MYO5C: variants seen among roughly 807,000 people sequenced by gnomAD.
MYO5C encodes the protein unconventional myosin-Vc.
A neutral mutation model predicts 235.7 loss-of-function variants in MYO5C; 194 were observed. The observed-to-expected ratio is 0.82, with a 90% CI of 0.73 to 0.93. The LOEUF (loss-of-function observed/expected upper bound fraction) is 0.93, where lower values mean the gene tolerates loss of function less well. Among genes scored for constraint, MYO5C ranks in the 40% least tolerant of loss-of-function variants. The pLI is 0.00. For missense variants in MYO5C, 2,038 were observed against 2,127.2 expected (o/e 0.96, Z 0.82); for synonymous variants, 707 against 754.8 (o/e 0.94, Z 1.04).
chr15:52,219,583 T>C (rs557414439), intron 31 of MYO5C, among the ~76,000 whole-genome samples, 176 bp downstream of exon 31: 25 of 152,362 alleles, frequency 1.6e-4, no homozygotes, highest in South Asian at 4.1e-4. Context: ...ATGCTGCTGC[T>C]GCTGAGTGTG....
intron 4 of MYO5C, chr15:52,277,841 T>C (rs1367385972): frequency 2.2e-6 from 1 of 455,380 alleles, no homozygotes; most frequent in South Asian, 1.5e-5. Flanking sequence ...GCACGTGTTC[T>C]ACCTCATGTA....
At chr15:52,245,769 A>G (rs557057605) in intron 17 of MYO5C, among the ~76,000 whole-genome samples, 187 bp downstream of exon 17, 6 of 152,284 alleles carry the variant, frequency 3.9e-5, no homozygotes, top group African/African-American at 1.4e-4. Flanking sequence ...GGTGGTGTTG[A>G]CCTCCGACCC....
At position 52,229,204 on chromosome 15, in the gene MYO5C, G is replaced by A. The variant is rs772122535; in HGVS notation, c.3136C>T (p.Leu1046=). Residue 1046 remains leucine, a synonymous_variant, in exon 25 of 41, where the codon CTG becomes TTG. Transcript: ENST00000261839. Reference sequence around the variant, plus strand: ...GAAGTGACGTGCTCCCCCTCCACCAGGTGTTGGAGTTGCATCTTCTCATCC... The same window carrying A: ...GAAGTGACGTGCTCCCCCTCCACCAAGTGTTGGAGTTGCATCTTCTCATCC... The part of the protein sequence containing the change: ...LKDEKMQLQH[L]VEGEHVTSDG... 6.2e-7 allele frequency: 1 copy of A among 1,614,062 alleles called. No homozygotes were observed. Among genetic ancestry groups the A allele is most frequent in the African/African-American group, 1.3e-5 (1 of 74,936 alleles).
Position 52,232,218 on chromosome 15 carries a change from A to AAG in MYO5C, c.3026+403_3026+404insCT, listed in dbSNP as rs2035970973. ...AGGAAGGAAGGAAGGAAAAGAAAGA[A>AAG]AATGAAAGAAAGAAGAAAGAAAGAA... On this transcript the variant is annotated intron_variant, in intron 24 of 40. Coordinates refer to ENST00000261839, the MANE Select transcript of MYO5C (RefSeq NM_018728.4). 1.0e-4 allele frequency among the ~76,000 whole-genome samples: 6 copies of AAG among 59,326 alleles called. 1 individual carries two copies. The highest frequency in any genetic ancestry group is 5.5e-4 in the Admixed American group (3 of 5,446). 38.9% of individuals were successfully genotyped at this position (59,326 alleles called of 152,430 possible). A position where few individuals can be genotyped will look rare whatever the true frequency, so the allele number is the denominator to read the frequency against.
intron 38 of MYO5C, among the ~76,000 whole-genome samples, chr15:52,198,145 C>A (rs1456133749): frequency 6.6e-6 from 1 of 151,872 alleles, no homozygotes; most frequent in Non-Finnish European, 1.5e-5. Context: ...CCAGCCTGGC[C>A]AACATGGCAA....
chr15:52,198,962 C>T (rs1455415377), intron 38 of MYO5C, among the ~76,000 whole-genome samples: 1 of 151,952 alleles, frequency 6.6e-6, no homozygotes, highest in Non-Finnish European at 1.5e-5. Context: ...GGCACGATCT[C>T]GGTTCACTGC....
chr15:52,259,044 A>T (rs772295427), intron 10 of MYO5C, among the ~76,000 whole-genome samples: 24 of 152,104 alleles, frequency 1.6e-4, no homozygotes, highest in Non-Finnish European at 3.4e-4. Flanking sequence ...TCTCAGTCCC[A>T]CGGTGGCAGG....
chr15:52,256,456 G>A (rs1464765028), intron 11 of MYO5C, among the ~76,000 whole-genome samples, 183 bp downstream of exon 11: 1 of 152,054 alleles, frequency 6.6e-6, no homozygotes, highest in Non-Finnish European at 1.5e-5. Flanking sequence ...AAATAGATGA[G>A]AGGGTGTGAT....
intron 8 of MYO5C, among the ~76,000 whole-genome samples, chr15:52,267,850 T>C (rs972389488): frequency 2.0e-5 from 3 of 151,964 alleles, no homozygotes; most frequent in African/African-American, 7.3e-5. Context: ...ATCAGGGAGA[T>C]GAGGGTGGGC....
chr15:52,232,341 G>GA (rs1310484980), intron 24 of MYO5C, among the ~76,000 whole-genome samples: 2 of 151,362 alleles, frequency 1.3e-5, no homozygotes, highest in Non-Finnish European at 2.9e-5. Context: ...GAGAAAGAAA[G>GA]AAGAGAAAGA....
At position 52,198,587 on chromosome 15, in the gene MYO5C, T is replaced by TG. The variant is rs1389459247; in HGVS notation, c.4821-2105_4821-2104insC. ...TTGTTGTTGTTGCTTTTTGTTTGTT[T>TG]TTTTGTTTGTTTGAGACAGAGTCTC... On this transcript the variant is annotated intron_variant, in intron 38 of 40. Transcript: ENST00000261839. 7.2e-4 allele frequency among the ~76,000 whole-genome samples: 109 copies of TG among 152,214 alleles called. 1 individual carries two copies. The highest frequency in any genetic ancestry group is 1.3e-3 in the Non-Finnish European group (89 of 67,986).
In MYO5C at chr15:52,230,162, G is replaced by C. The variant is rs185534203; in HGVS notation, c.3027-849C>G. Among the ~76,000 whole-genome samples the C allele has an allele frequency of 1.5e-3, 231 of 152,316 alleles. 1 individual carries two copies. Among genetic ancestry groups the C allele is most frequent in the African/African-American group, 5.2e-3 (216 of 41,568 alleles). On this transcript the variant is annotated intron_variant, in intron 24 of 40. Coordinates refer to ENST00000261839, the MANE Select transcript of MYO5C (RefSeq NM_018728.4). ...GTAAATCCAACTGCTCTAGAAGGTT[G>C]CTCAATTAAAAATTTGATGATTAAC...
At position 52,237,447 on chromosome 15, in the gene MYO5C, A is replaced by G. The variant is rs58097559; in HGVS notation, c.2868+35T>C. On this transcript the variant is annotated intron_variant, in intron 22 of 40. Transcript: ENST00000261839. Reference sequence around the variant, plus strand: ...CTCATCTTTTTCACAGAGAGTCCGCATATTTCCATCCCGTCTCACACGCCC... The same window carrying G: ...CTCATCTTTTTCACAGAGAGTCCGCGTATTTCCATCCCGTCTCACACGCCC... 10,602 of 1,602,322 alleles carry G rather than the reference A, an allele frequency of 6.6e-3. 532 individuals are homozygous for G. In the African/African-American group the frequency reaches 0.12, roughly 17 times the overall value.
chr15:52,284,550 CA>C (rs1285918926), intron 1 of MYO5C, among the ~76,000 whole-genome samples: 1 of 152,144 alleles, frequency 6.6e-6, no homozygotes, highest in African/African-American at 2.4e-5. Context: ...AAGCACTTTT[CA>C]AACCTCAGAC....
rs867442970 is a variant in MYO5C, at chr15:52,237,595, G to A, written c.2755C>T (p.Arg919Ter). 4.3e-6 allele frequency: 7 copies of A among 1,613,848 alleles called. No individual in the cohort carries two copies. The highest frequency in any genetic ancestry group is 2.2e-5 in the South Asian group (2 of 91,076). Residue 919 changes from arginine (R) to a stop codon, truncating the protein, a stop_gained, in exon 22 of 41, where the codon CGA becomes TGA. Coordinates refer to ENST00000261839, the MANE Select transcript of MYO5C (RefSeq NM_018728.4). LOFTEE classifies it high-confidence loss of function. ...VEKLTSLAAL[R>*]AGDVEKIQKL... ...TGAATCTTTTCCACATCCCCAGCTC[G>A]AAGAGCAGCCAGGCTAGTCAGCTTC...
intron 17 of MYO5C, among the ~76,000 whole-genome samples, chr15:52,245,669 T>C (rs980667096): frequency 5.9e-5 from 9 of 152,192 alleles, no homozygotes; most frequent in Non-Finnish European, 1.3e-4. Flanking sequence ...CCAGCAATTG[T>C]GCTCTTTCTC....
At chr15:52,230,856 C>T (rs2035935875) in intron 24 of MYO5C, among the ~76,000 whole-genome samples, 1 of 133,246 alleles carries the variant, frequency 7.5e-6, no homozygotes, top group East Asian at 2.4e-4. Flanking sequence ...GAGACAGGGT[C>T]TCACTCTGTC....
At chr15:52,283,750 A>G (rs1337801399) in intron 1 of MYO5C, among the ~76,000 whole-genome samples, 1 of 151,854 alleles carries the variant, frequency 6.6e-6, no homozygotes, top group East Asian at 1.9e-4. Flanking sequence ...ATCTTGGCTC[A>G]CTGCAACCTC....
intron 17 of MYO5C, 98 bp downstream of exon 17, chr15:52,245,858 A>G: frequency 8.6e-7 from 1 of 1,165,500 alleles, no homozygotes; most frequent in Admixed American, 1.9e-5. Flanking sequence ...ACAGAAGCCA[A>G]AAGTATGTGA....
Sources: allele counts gnomAD v4.1 joint callset (sites outside exome capture counted in the v4.1 genomes callset), GRCh38; gene constraint gnomAD v4.1.1; transcripts MANE v1.5; gene names NCBI Gene and HGNC (gene_info 2026-07-23, HGNC 2026-07-21).